The following CARD10 variants were observed in gnomAD, a reference collection of about 807,000 sequenced individuals.
CARD10 encodes caspase recruitment domain family member 10.
Under a neutral mutation model 114.6 loss-of-function variants are expected in CARD10, and 49 were observed. That is an observed-to-expected ratio of 0.43 (90% CI 0.34 to 0.54). The LOEUF is 0.54. Ranked by LOEUF, CARD10 falls within the 20% of genes least tolerant of loss-of-function variation. The pLI, the probability that CARD10 is intolerant of heterozygous loss-of-function variation, is 0.03. For synonymous variants in CARD10, 602 were observed against 593.2 expected (o/e 1.01, Z -0.21); for missense variants, 1,206 against 1,397.2 (o/e 0.86, Z 2.18).
chr22:37,519,339 T>C lies in CARD10; in HGVS notation c.-139A>G. 7.5e-7 allele frequency: 1 copy of C among 1,330,758 alleles called. No homozygotes were observed. The highest frequency in any genetic ancestry group is 9.6e-7 in the Non-Finnish European group (1 of 1,043,896). The allele number at this position is 1,330,758 out of a possible 1,614,324, so 82.4% of individuals were successfully genotyped here. On this transcript the variant is annotated 5_prime_UTR_variant, in exon 1 of 20. Coordinates refer to ENST00000251973, the MANE Select transcript of CARD10 (RefSeq NM_014550.4). The surrounding 1 kb of genome is among the most constrained non-coding windows in gnomAD (Gnocchi z 4.1). ...GGGCGCGCCCCGAGCTCCCCGCGAC[T>C]CACCCCGCACGCTACAGTCGCCTCG...
intron 11 of CARD10, 94 bp downstream of exon 11, chr22:37,502,508 A>G: frequency 7.2e-7 from 1 of 1,396,868 alleles, no homozygotes; most frequent in Non-Finnish European, 9.7e-7. Flanking sequence ...ATAGTTGCAT[A>G]AAACAGGGGC....
chr22:37,511,203 A>C (rs181294855), intron 3 of CARD10, among the ~76,000 whole-genome samples: 78 of 151,668 alleles, frequency 5.1e-4, no homozygotes, highest in African/African-American at 1.6e-3. Flanking sequence ...AAAAAATTTA[A>C]AACATTAGTT....
At position 37,494,140 on chromosome 22, in the gene CARD10, C is replaced by G. The variant is rs200284070; in HGVS notation, c.2422G>C (p.Val808Leu). 3 of 1,559,658 alleles carry G rather than the reference C, an allele frequency of 1.9e-6. No individual in the cohort carries two copies. The highest frequency in any genetic ancestry group is 2.4e-5 in the East Asian group (1 of 41,672). The change falls in exon 16 of 20, where the codon GTG (valine) becomes CTG (leucine). Residue 808 changes from valine to leucine, a missense_variant. Val to Leu is a conservative substitution (Grantham distance 32). This residue lies in a region of CARD10 where 1,068 missense variants were observed against 1,179.1 expected (regional missense o/e 0.91). Coordinates refer to ENST00000251973, the MANE Select transcript of CARD10 (RefSeq NM_014550.4). Reference protein sequence around the residue: ...DQLRLVRPKPVGAPAGDSPDQ... With the variant: ...DQLRLVRPKPLGAPAGDSPDQ... ...GGGGAGTCCCCTGCAGGCGCCCCCACGGGCTTGGGCCTCACCAGCCGCAGC... is the reference window on the plus strand; with the variant it reads ...GGGGAGTCCCCTGCAGGCGCCCCCAGGGGCTTGGGCCTCACCAGCCGCAGC...
chr22:37,495,146 T>G (rs1473858305), intron 15 of CARD10, among the ~76,000 whole-genome samples: 2 of 152,122 alleles, frequency 1.3e-5, no homozygotes, highest in Admixed American at 1.3e-4. Flanking sequence ...TTTTGTATTT[T>G]CAGTAGAGAC....
chr22:37,504,076 G>A, intron 9 of CARD10, 110 bp downstream of exon 9: 2 of 807,468 alleles, frequency 2.5e-6, no homozygotes, highest in Non-Finnish European at 4.3e-6. Flanking sequence ...GCAATAAAGG[G>A]AAGTGACTGC....
At chr22:37,494,380 C>G in intron 15 of CARD10, 192 bp from the exon 16 acceptor site, 1 of 594,066 alleles carries the variant, frequency 1.7e-6, no homozygotes, top group Non-Finnish European at 3.0e-6. Context: ...AGCACAGTCC[C>G]CCAGGCAGAT....
At chr22:37,518,870 G>T in intron 1 of CARD10, 96 bp downstream of exon 1, 3 of 1,380,030 alleles carry the variant, frequency 2.2e-6, no homozygotes, top group Non-Finnish European at 2.9e-6. Context: ...GAGCCCCAGG[G>T]CAGCAGAGCC....
intron 2 of CARD10, among the ~76,000 whole-genome samples, chr22:37,516,761 C>A (rs1350015065): frequency 2.0e-5 from 3 of 152,184 alleles, no homozygotes; most frequent in Non-Finnish European, 4.4e-5. Context: ...TAACTTCATT[C>A]TTTGTGCTAG....
chr22:37,504,767 G>C lies in CARD10; in HGVS notation c.1386C>G (p.Ala462=). The C allele has an allele frequency of 6.5e-7, 1 of 1,532,152 alleles. No homozygotes were observed. The highest frequency in any genetic ancestry group is 8.8e-7 in the Non-Finnish European group (1 of 1,141,670). 94.9% of individuals were successfully genotyped at this position (1,532,152 alleles called of 1,614,324 possible). ...AGCACAGGGAATGGGAGGAGGCACA[G>C]GCCTGGAAGAGGGAGAGGAGAGGAA... ...QRAQGGTCLK[A]CASSHSLCSN... is the part of the protein sequence containing the mutation. The change falls in exon 8 of 20, where the codon GCC becomes GCG. Residue 462 remains alanine (A), a splice_region_variant and synonymous_variant. Coordinates refer to ENST00000251973, the MANE Select transcript of CARD10 (RefSeq NM_014550.4).
intron 3 of CARD10, among the ~76,000 whole-genome samples, chr22:37,513,906 C>T (rs1304361269): frequency 6.6e-6 from 1 of 151,874 alleles, no homozygotes; most frequent in Non-Finnish European, 1.5e-5. Context: ...TGACACCAGC[C>T]TGGCTAACAT....
intron 15 of CARD10, chr22:37,494,450 C>T: frequency 1.8e-6 from 1 of 542,688 alleles, no homozygotes; most frequent in African/African-American, 1.9e-5. Flanking sequence ...GTGGAGGAGC[C>T]TTAGGTATAC....
At chr22:37,503,779 C>T (rs540509915) in intron 9 of CARD10, among the ~76,000 whole-genome samples, 42 of 152,308 alleles carry the variant, frequency 2.8e-4, no homozygotes, top group African/African-American at 9.9e-4. Context: ...CCAGAGGGTG[C>T]GCCTTGGTTT....
At position 37,508,507 on chromosome 22, in the gene CARD10, G is replaced by A; in HGVS notation, c.1065+20C>T. ...CTGACACCCTCCCGCACAAGGGGCA[G>A]GGCACGGGCAGGGCCCCACCTGGTC... On this transcript the variant is annotated intron_variant, in intron 5 of 19. Coordinates refer to ENST00000251973, the MANE Select transcript of CARD10 (RefSeq NM_014550.4). The A allele has an allele frequency of 6.4e-7, 1 of 1,574,434 alleles. No homozygotes were observed. Among genetic ancestry groups the A allele is most frequent in the Non-Finnish European group, 8.6e-7 (1 of 1,165,896 alleles).
intron 3 of CARD10, chr22:37,510,626 A>G (rs1188112124): frequency 1.7e-6 from 1 of 572,438 alleles, no homozygotes; most frequent in African/African-American, 1.9e-5. Flanking sequence ...AGCAGTGGGT[A>G]GCAAGGCCAA....
intron 4 of CARD10, chr22:37,509,110 C>T (rs1601816191): frequency 1.3e-6 from 2 of 1,519,868 alleles, no homozygotes; most frequent in East Asian, 4.9e-5. Flanking sequence ...AGACCCTGGG[C>T]CCAAGATCTT....
chr22:37,516,367 G>C, intron 2 of CARD10, 69 bp from the exon 3 acceptor site: 1 of 1,160,328 alleles, frequency 8.6e-7, no homozygotes, highest in Non-Finnish European at 1.2e-6. Context: ...AACATACTGT[G>C]TCAAAAAACT....
At position 37,494,172 on chromosome 22, in the gene CARD10, A is replaced by G. The variant is rs1922908107; in HGVS notation, c.2390T>C (p.Leu797Pro). The change falls in exon 16 of 20, where the codon CTG becomes CCG. Residue 797 changes from leucine (L) to proline (P), a missense_variant. Coordinates refer to ENST00000251973, the MANE Select transcript of CARD10 (RefSeq NM_014550.4). ...GGGCCTCACCAGCCGCAGCTGGTCC[A>G]GGGCTCTCTTCTTCAGCTGGGAGGG... is the stretch of plus-strand genomic sequence containing the variant. ...GPRSNLKKRA[L>P]DQLRLVRPKP... The G allele has an allele frequency of 6.4e-7, 1 of 1,554,822 alleles. No individual in the cohort carries two copies. Among genetic ancestry groups the G allele is most frequent in the Non-Finnish European group, 8.7e-7 (1 of 1,149,140 alleles).
In CARD10 at chr22:37,507,982, C is replaced by T. The variant is rs774397368; in HGVS notation, c.1066-28G>A. The T allele has an allele frequency of 5.0e-6, 8 of 1,613,040 alleles. No individual in the cohort carries two copies. The African/African-American group carries it at 5.3e-5, about 11-fold the overall frequency. On this transcript the variant is annotated intron_variant, in intron 5 of 19. Coordinates refer to ENST00000251973, the MANE Select transcript of CARD10 (RefSeq NM_014550.4). ...GAGGGTGGCACGGGGCGGGGTCAGA[C>T]CACAGGGCTGGGGACCATGAGAAAG... is the stretch of plus-strand genomic sequence containing the variant.
At chr22:37,513,147 G>A (rs1427502321) in intron 3 of CARD10, among the ~76,000 whole-genome samples, 3 of 151,982 alleles carry the variant, frequency 2.0e-5, no homozygotes, top group African/African-American at 7.3e-5. Context: ...GTCTCGCTGT[G>A]TCGCCCAAGC....
Sources: gnomAD v4.1 joint callset for allele counts (sites outside exome capture counted in the v4.1 genomes callset) on GRCh38, gnomAD v4.1.1 for gene constraint, gnomAD v4.1.1 regional missense constraint, Gnocchi (gnomAD v3.1) non-coding constraint, MANE v1.5 for transcripts, NCBI Gene and HGNC (gene_info 2026-07-23, HGNC 2026-07-21) for gene names.